BORCS5: variants seen among roughly 807,000 people sequenced by gnomAD.
The protein encoded by BORCS5 is BLOC-1 related complex subunit 5.
In BORCS5, 17 loss-of-function variants were observed where a neutral mutation model predicts 22.1. The ratio of observed to expected loss-of-function variants is 0.77; its 90% CI spans 0.53 to 1.15. The LOEUF (loss-of-function observed/expected upper bound fraction) is 1.15. Ranked by LOEUF, BORCS5 falls within the 50% of genes most tolerant of loss-of-function variation. The pLI, the probability that BORCS5 is intolerant of heterozygous loss-of-function variation, is 0.00. For missense variants in BORCS5, 247 were observed against 253.2 expected (o/e 0.98, Z 0.17); for synonymous variants, 117 against 99.8 (o/e 1.17, Z -1.03).
In BORCS5 at chr12:12,469,514, T is replaced by G. The variant is rs935409630; in HGVS notation, c.*3738T>G. The G allele has an allele frequency of 6.6e-6, 1 of 152,264 alleles. No homozygotes were observed. Among genetic ancestry groups the G allele is most frequent in the African/African-American group, 2.4e-5 (1 of 41,470 alleles). 9.4% of individuals were successfully genotyped at this position (152,264 alleles called of 1,614,324 possible). A position where few individuals can be genotyped will look rare whatever the true frequency, so the allele number is the denominator to read the frequency against. ...ACTGTTACCCTTACGTTATAGGTAT[T>G]ACAAACTCGGTTTTACAAGGTTACA... On this transcript the variant is annotated 3_prime_UTR_variant, in exon 4 of 4. Coordinates refer to ENST00000314565, the MANE Select transcript of BORCS5 (RefSeq NM_058169.6).
intron 2 of BORCS5, among the ~76,000 whole-genome samples, chr12:12,396,613 G>A (rs920287280): frequency 3.9e-5 from 6 of 151,924 alleles, no homozygotes; most frequent in African/African-American, 1.5e-4. Flanking sequence ...TAGAGGGTAC[G>A]CTAAAACTCT....
chr12:12,388,595 T>C (rs1253153237), intron 2 of BORCS5, among the ~76,000 whole-genome samples: 3 of 148,618 alleles, frequency 2.0e-5, no homozygotes, highest in South Asian at 2.1e-4. Context: ...TCCATAATTA[T>C]ACAAAAAGGG....
intron 3 of BORCS5, among the ~76,000 whole-genome samples, chr12:12,456,457 T>C (rs765681928): frequency 1.3e-5 from 2 of 152,138 alleles, no homozygotes; most frequent in African/African-American, 2.4e-5. Flanking sequence ...GTGACATCTT[T>C]CATAGGATGA....
chr12:12,415,080 G>A (rs1318951170), intron 2 of BORCS5, among the ~76,000 whole-genome samples: 1 of 149,948 alleles, frequency 6.7e-6, no homozygotes, highest in Non-Finnish European at 1.5e-5. Flanking sequence ...CAGCCAGGCA[G>A]AGAGGCTCCT....
chr12:12,391,866 T>TAA lies in BORCS5; in HGVS notation c.202+30536_202+30537dup, dbSNP rs751674760. ...GGCCGACATGGTGAAACCCCGTCAC[T>TAA]AAAAAAAAAAAAAAAAAAAACGCTA... On this transcript the variant is annotated intron_variant, in intron 2 of 3. Coordinates refer to ENST00000314565, the MANE Select transcript of BORCS5 (RefSeq NM_058169.6). 4.9e-3 allele frequency among the ~76,000 whole-genome samples: 317 copies of TAA among 64,332 alleles called. 7 individuals carry two copies. Among genetic ancestry groups the TAA allele is most frequent in the South Asian group, 0.017 (19 of 1,134 alleles). The allele number at this position is 64,332 out of a possible 152,430, so 42.2% of individuals were successfully genotyped here.
At position 12,441,157 on chromosome 12, in the gene BORCS5, C is replaced by A. The variant is rs532202816; in HGVS notation, c.360+5372C>A. Reference sequence around the variant, plus strand: ...GTCCCTGGCACAGATCGGTCACACCCAGCAGCTTGTATCCTCTGTGGAGAA... The same window carrying A: ...GTCCCTGGCACAGATCGGTCACACCAAGCAGCTTGTATCCTCTGTGGAGAA... On this transcript the variant is annotated intron_variant, in intron 3 of 3. Transcript: ENST00000314565. Among the ~76,000 whole-genome samples, 632 of 152,226 alleles carry A rather than the reference C, an allele frequency of 4.2e-3. 7 individuals carry two copies. Among genetic ancestry groups the A allele is most frequent in the Middle Eastern group, 0.01 (3 of 294 alleles).
intron 2 of BORCS5, among the ~76,000 whole-genome samples, chr12:12,425,584 A>T (rs1706946189): frequency 6.6e-6 from 1 of 152,162 alleles, no homozygotes; most frequent in African/African-American, 2.4e-5. Context: ...TATTTCCCTC[A>T]TGATTAGTGA....
intron 3 of BORCS5, among the ~76,000 whole-genome samples, chr12:12,448,453 G>A (rs899636493): frequency 1.3e-5 from 2 of 151,496 alleles, no homozygotes; most frequent in African/African-American, 4.9e-5. Flanking sequence ...GACCTCAGTT[G>A]ATCTGCCCGC....
At chr12:12,425,419 A>G (rs916692180) in intron 2 of BORCS5, among the ~76,000 whole-genome samples, 4 of 151,978 alleles carry the variant, frequency 2.6e-5, no homozygotes, top group Non-Finnish European at 4.4e-5. Flanking sequence ...AGGAACCCCC[A>G]TACTGTTTTC....
intron 3 of BORCS5, among the ~76,000 whole-genome samples, chr12:12,457,283 A>G (rs889139832): frequency 4.6e-5 from 7 of 152,254 alleles, no homozygotes; most frequent in African/African-American, 1.7e-4. Flanking sequence ...TCATGAAGGT[A>G]ATCAGTCATC....
intron 2 of BORCS5, among the ~76,000 whole-genome samples, chr12:12,378,957 G>T (rs1238249173): frequency 1.3e-5 from 2 of 150,952 alleles, no homozygotes; most frequent in Admixed American, 1.3e-4. Flanking sequence ...GGTTCCGTAT[G>T]TTGCCCAGGC....
chr12:12,365,898 A>C (rs1863396894), intron 2 of BORCS5, among the ~76,000 whole-genome samples: 1 of 152,244 alleles, frequency 6.6e-6, no homozygotes, highest in Non-Finnish European at 1.5e-5. Flanking sequence ...TTCCAATTCT[A>C]GCAAAGCCCA....
At chr12:12,440,870 C>T (rs1942669501) in intron 3 of BORCS5, among the ~76,000 whole-genome samples, 1 of 152,162 alleles carries the variant, frequency 6.6e-6, no homozygotes, top group Non-Finnish European at 1.5e-5. Context: ...AGAAAGTAAG[C>T]ACTTCGCCCA....
intron 3 of BORCS5, among the ~76,000 whole-genome samples, chr12:12,438,159 A>C (rs1272463947): frequency 2.0e-5 from 3 of 151,970 alleles, no homozygotes; most frequent in African/African-American, 7.3e-5. Flanking sequence ...CTTTAAGTTC[A>C]AGACCAGCCT....
intron 3 of BORCS5, among the ~76,000 whole-genome samples, chr12:12,458,005 G>C (rs1943030077): frequency 1.3e-5 from 2 of 152,204 alleles, no homozygotes; most frequent in African/African-American, 4.8e-5. Flanking sequence ...GAAGTCTCCA[G>C]AGTCCTTAGA....
intron 2 of BORCS5, among the ~76,000 whole-genome samples, chr12:12,376,937 A>G (rs1863667972): frequency 6.6e-6 from 1 of 152,172 alleles, no homozygotes; most frequent in African/African-American, 2.4e-5. Flanking sequence ...TCATAAAACT[A>G]AGTCACAGCT....
intron 3 of BORCS5, among the ~76,000 whole-genome samples, chr12:12,457,574 C>G (rs1943021076): frequency 6.6e-6 from 1 of 152,100 alleles, no homozygotes; most frequent in African/African-American, 2.4e-5. Context: ...GAGGCTGAGG[C>G]AGGAGAATGG....
intron 1 of BORCS5, 55 bp downstream of exon 1, chr12:12,357,564 G>T (rs376422895): frequency 5.1e-6 from 8 of 1,563,518 alleles, no homozygotes; most frequent in Non-Finnish European, 6.1e-6. Context: ...CTTGCAGAGC[G>T]GGCTGCCTCC....
intron 2 of BORCS5, among the ~76,000 whole-genome samples, chr12:12,404,953 G>A (rs1257628908): frequency 2.0e-5 from 3 of 152,038 alleles, no homozygotes; most frequent in African/African-American, 4.8e-5. Context: ...CACCCACCTC[G>A]GCCTCCTAAA....
Sources: allele counts gnomAD v4.1 joint callset (sites outside exome capture counted in the v4.1 genomes callset), GRCh38; gene constraint gnomAD v4.1.1; transcripts MANE v1.5; gene names NCBI Gene and HGNC (gene_info 2026-07-23, HGNC 2026-07-21).